Variants in ARHGAP24 observed in about 807,000 individuals in gnomAD.
ARHGAP24 encodes the protein Rho GTPase activating protein 24, also known as rho GTPase-activating protein 24.
In ARHGAP24, 50 loss-of-function variants were observed where a neutral mutation model predicts 76.4. The observed-to-expected ratio is 0.65, with a 90% CI of 0.52 to 0.83. The LOEUF (loss-of-function observed/expected upper bound fraction) is 0.83, where lower values mean the gene tolerates loss of function less well. ARHGAP24 is among the 40% of genes least tolerant of loss of function. The pLI, the probability that ARHGAP24 is intolerant of heterozygous loss-of-function variation, is 0.00. For missense variants in ARHGAP24, 930 were observed against 914.2 expected (o/e 1.02, Z -0.22); for synonymous variants, 345 against 323.3 (o/e 1.07, Z -0.72).
chr4:85,655,798 G>T (rs1273237955), intron 2 of ARHGAP24, among the ~76,000 whole-genome samples: 2,741 of 41,864 alleles, frequency 0.065, 67 homozygotes, highest in East Asian at 0.32. Context: ...TATATAGAGA[G>T]AGAGAGAGAG....
intron 1 of ARHGAP24, 113 bp downstream of exon 1, chr4:85,475,672 GGGAGGGGGC>G (rs1722557107): frequency 2.2e-5 from 1 of 45,358 alleles, no homozygotes; most frequent in Non-Finnish European, 6.3e-5. Flanking sequence ...GCGGGGGGCG[GGGAGGGGGC>G]TGCGGGGGGC....
chr4:85,878,638 A>T (rs934778381), intron 3 of ARHGAP24, among the ~76,000 whole-genome samples: 5 of 152,148 alleles, frequency 3.3e-5, no homozygotes, highest in Non-Finnish European at 5.9e-5. Context: ...CTTTTATATC[A>T]TATCTTGGAA....
intron 3 of ARHGAP24, among the ~76,000 whole-genome samples, chr4:85,855,068 T>C (rs1173937020): frequency 3.9e-5 from 6 of 152,186 alleles, no homozygotes; most frequent in Admixed American, 6.5e-5. Context: ...CTCTTGAAGA[T>C]TGCAGTTAAT....
intron 1 of ARHGAP24, among the ~76,000 whole-genome samples, chr4:85,559,984 A>G (rs572521871): frequency 1.6e-4 from 24 of 152,282 alleles, no homozygotes; most frequent in African/African-American, 5.3e-4. Context: ...TTACCTTTCC[A>G]TATATGATTG....
intron 2 of ARHGAP24, among the ~76,000 whole-genome samples, chr4:85,615,018 A>G (rs1720501984): frequency 6.6e-6 from 1 of 152,064 alleles, no homozygotes; most frequent in Non-Finnish European, 1.5e-5. Flanking sequence ...TTGTCACTGT[A>G]TTTAATATAA....
intron 3 of ARHGAP24, among the ~76,000 whole-genome samples, chr4:85,803,718 GGC>G (rs1728671907): frequency 6.6e-6 from 1 of 152,078 alleles, no homozygotes; most frequent in Non-Finnish European, 1.5e-5. Context: ...TGATTTACAG[GGC>G]AGTTCACACC....
At chr4:85,740,079 C>T (rs1384195546) in intron 3 of ARHGAP24, among the ~76,000 whole-genome samples, 1 of 152,164 alleles carries the variant, frequency 6.6e-6, no homozygotes, top group African/African-American at 2.4e-5. Flanking sequence ...TTACAGAGTA[C>T]ATGCCTTTGG....
At chr4:85,626,386 T>C (rs1173295638) in intron 2 of ARHGAP24, among the ~76,000 whole-genome samples, 1 of 152,228 alleles carries the variant, frequency 6.6e-6, no homozygotes, top group African/African-American at 2.4e-5. Flanking sequence ...TTTAAGAATG[T>C]TGATTATTGG....
chr4:85,967,433 T>A (rs534083511), intron 5 of ARHGAP24, among the ~76,000 whole-genome samples: 1 of 152,148 alleles, frequency 6.6e-6, no homozygotes. Flanking sequence ...AAAGTAGACC[T>A]ATCAGAATAT....
chr4:85,951,740 A>G (rs559698620), intron 5 of ARHGAP24, among the ~76,000 whole-genome samples: 1 of 152,306 alleles, frequency 6.6e-6, no homozygotes, highest in South Asian at 2.1e-4. Flanking sequence ...CTTATTTCTC[A>G]CCAAAGAGTC....
chr4:85,652,032 G>C (rs1210790190), intron 2 of ARHGAP24, among the ~76,000 whole-genome samples: 1 of 152,014 alleles, frequency 6.6e-6, no homozygotes, highest in East Asian at 1.9e-4. Context: ...TGATGAAAAT[G>C]GTCTATTGTT....
chr4:85,718,758 A>C, intron 2 of ARHGAP24, among the ~76,000 whole-genome samples: 1 of 152,194 alleles, frequency 6.6e-6, no homozygotes, highest in East Asian at 1.9e-4. Context: ...CAAAATATAA[A>C]ATTTATATAA....
At chr4:85,791,507 T>G (rs943630769) in intron 3 of ARHGAP24, among the ~76,000 whole-genome samples, 35 of 152,230 alleles carry the variant, frequency 2.3e-4, no homozygotes, top group African/African-American at 8.2e-4. Flanking sequence ...GAGAGTTATA[T>G]CAATTATATC....
intron 3 of ARHGAP24, among the ~76,000 whole-genome samples, chr4:85,762,432 C>G (rs1298681669): frequency 6.6e-6 from 1 of 152,116 alleles, no homozygotes; most frequent in African/African-American, 2.4e-5. Context: ...CTGCTGCCAG[C>G]CTTCCCATTT....
intron 5 of ARHGAP24, among the ~76,000 whole-genome samples, chr4:85,961,228 A>G (rs10222687): frequency 0.012 from 1,900 of 152,258 alleles, 33 homozygotes; most frequent in African/African-American, 0.043. Context: ...ATACATACAT[A>G]TTAATAAACT....
At chr4:85,735,384 C>A (rs1372059392) in intron 3 of ARHGAP24, among the ~76,000 whole-genome samples, 1 of 152,162 alleles carries the variant, frequency 6.6e-6, no homozygotes, top group Non-Finnish European at 1.5e-5. Context: ...TTCAAATCAA[C>A]TTTTGTCCAC....
chr4:85,486,765 T>C (rs1046541420), intron 1 of ARHGAP24, among the ~76,000 whole-genome samples: 1 of 152,188 alleles, frequency 6.6e-6, no homozygotes, highest in Admixed American at 6.6e-5. Flanking sequence ...TTCCATTCAA[T>C]GTAACTAAAC....
At chr4:85,609,815 T>A (rs981518414) in intron 2 of ARHGAP24, among the ~76,000 whole-genome samples, 2 of 152,256 alleles carry the variant, frequency 1.3e-5, no homozygotes, top group Admixed American at 6.5e-5. Context: ...TGTCAAGCAT[T>A]TATCATTTCT....
At chr4:85,627,782 G>A (rs183621088) in intron 2 of ARHGAP24, among the ~76,000 whole-genome samples, 1 of 152,216 alleles carries the variant, frequency 6.6e-6, no homozygotes, top group Non-Finnish European at 1.5e-5. Flanking sequence ...CATGGCAGGT[G>A]CCCTTTCCCC....
Sources: gnomAD v4.1 joint callset for allele counts (sites outside exome capture counted in the v4.1 genomes callset) on GRCh38, gnomAD v4.1.1 for gene constraint, MANE v1.5 for transcripts, NCBI Gene and HGNC (gene_info 2026-07-23, HGNC 2026-07-21) for gene names.